The following KCNIP4 variants were observed in gnomAD, a reference collection of about 807,000 sequenced individuals.
KCNIP4 encodes the protein potassium voltage-gated channel interacting protein 4, also known as Kv channel-interacting protein 4.
KCNIP4 carries 12 observed loss-of-function variants against 34.0 expected under a neutral mutation model. The ratio of observed to expected loss-of-function variants is 0.35; its 90% CI spans 0.23 to 0.57. The LOEUF (loss-of-function observed/expected upper bound fraction) is 0.57, where lower values mean the gene tolerates loss of function less well. Among genes scored for constraint, KCNIP4 ranks in the 20% least tolerant of loss-of-function variants. The pLI is 0.83. For missense variants in KCNIP4, 238 were observed against 311.7 expected, an observed-to-expected ratio of 0.76 and a Z score of 1.78; for synonymous variants, 124 against 102.2, an observed-to-expected ratio of 1.21 and a Z score of -1.29.
chr4:21,917,033 C>A (rs1439782281), intron 1 of KCNIP4, among the ~76,000 whole-genome samples: 1 of 152,230 alleles, frequency 6.6e-6, no homozygotes, highest in Non-Finnish European at 1.5e-5. Context: ...TTCTTTGCTT[C>A]AGGTTTGCTC....
chr4:21,046,790 C>T (rs1298984169), intron 1 of KCNIP4, among the ~76,000 whole-genome samples: 1 of 152,140 alleles, frequency 6.6e-6, no homozygotes, highest in Admixed American at 6.5e-5. Flanking sequence ...GGGGTTTCTC[C>T]ATGCTGGTTG....
At chr4:21,312,450 G>GA (rs1713287487) in intron 1 of KCNIP4, among the ~76,000 whole-genome samples, 1 of 152,158 alleles carries the variant, frequency 6.6e-6, no homozygotes, top group South Asian at 2.1e-4. Context: ...CACACTGTGA[G>GA]AAACACTGCA....
At chr4:21,819,166 T>C (rs1402412590) in intron 1 of KCNIP4, among the ~76,000 whole-genome samples, 5 of 152,226 alleles carry the variant, frequency 3.3e-5, no homozygotes. Flanking sequence ...GTTAAAACCC[T>C]GCCAGGGCTT....
intron 1 of KCNIP4, among the ~76,000 whole-genome samples, chr4:21,223,379 C>T (rs1365900009): frequency 3.3e-5 from 5 of 152,216 alleles, no homozygotes; most frequent in Admixed American, 3.3e-4. Context: ...TTATTTTAGA[C>T]TTCTGACCTC....
At chr4:21,088,106 G>A (rs912220708) in intron 1 of KCNIP4, among the ~76,000 whole-genome samples, 1 of 140,846 alleles carries the variant, frequency 7.1e-6, no homozygotes, top group Non-Finnish European at 1.5e-5. Context: ...ATATGCCATT[G>A]TATCTGAAAT....
At chr4:21,936,269 T>C (rs141385069) in intron 1 of KCNIP4, among the ~76,000 whole-genome samples, 24 of 152,176 alleles carry the variant, frequency 1.6e-4, no homozygotes, top group African/African-American at 5.5e-4. Flanking sequence ...GTTCTCTTGA[T>C]GGTGAATAAG....
intron 1 of KCNIP4, among the ~76,000 whole-genome samples, chr4:20,954,043 T>C (rs968172746): frequency 2.6e-5 from 4 of 152,084 alleles, no homozygotes; most frequent in African/African-American, 7.2e-5. Context: ...CAAATTAACA[T>C]CCCTATTTCC....
At chr4:21,641,344 T>C (rs1314092344) in intron 1 of KCNIP4, among the ~76,000 whole-genome samples, 1 of 152,214 alleles carries the variant, frequency 6.6e-6, no homozygotes, top group Non-Finnish European at 1.5e-5. Context: ...GCACATACAA[T>C]AGACAGCCAC....
At chr4:20,965,803 C>G (rs370910748) in intron 1 of KCNIP4, among the ~76,000 whole-genome samples, 4 of 152,112 alleles carry the variant, frequency 2.6e-5, no homozygotes, top group African/African-American at 9.7e-5. Context: ...AAATGCTGAG[C>G]TATATGTTAG....
At chr4:21,626,562 C>T (rs577559412) in intron 1 of KCNIP4, among the ~76,000 whole-genome samples, 2 of 152,038 alleles carry the variant, frequency 1.3e-5, no homozygotes, top group South Asian at 4.2e-4. Flanking sequence ...GTTTAAGCTA[C>T]TCAGGCCATG....
chr4:20,808,830 C>T (rs1414024933), intron 3 of KCNIP4, among the ~76,000 whole-genome samples: 2 of 152,116 alleles, frequency 1.3e-5, no homozygotes, highest in Non-Finnish European at 1.5e-5. Context: ...CATTTGGAGC[C>T]ACTCTCCCCC....
At chr4:21,057,074 T>A (rs1743474120) in intron 1 of KCNIP4, among the ~76,000 whole-genome samples, 1 of 152,136 alleles carries the variant, frequency 6.6e-6, no homozygotes, top group Non-Finnish European at 1.5e-5. Flanking sequence ...CCACTGGGTA[T>A]CTATGTGGGA....
intron 3 of KCNIP4, among the ~76,000 whole-genome samples, chr4:20,786,559 T>C (rs1439333847): frequency 6.6e-6 from 1 of 152,162 alleles, no homozygotes; most frequent in Non-Finnish European, 1.5e-5. Flanking sequence ...TAGTTAGCAA[T>C]AGATGGAAAC....
In KCNIP4 at chr4:21,746,540, A is replaced by G. The variant is rs1716787444; in HGVS notation, c.61+202031T>C. Among the ~76,000 whole-genome samples, 3 of 152,134 alleles carry G rather than the reference A, an allele frequency of 2.0e-5. No homozygotes were observed. The South Asian group carries it at 6.2e-4, about 32-fold the overall frequency. On this transcript the variant is annotated intron_variant, in intron 1 of 8. Coordinates refer to ENST00000382152, the MANE Select transcript of KCNIP4 (RefSeq NM_025221.6). ...GGGAAGGAAACTTTCAATATTAATC[A>G]AGATTATAAAAAATATTATACTCAG... is the stretch of plus-strand genomic sequence containing the variant.
chr4:21,865,820 G>C (rs968147044), intron 1 of KCNIP4, among the ~76,000 whole-genome samples: 2 of 151,914 alleles, frequency 1.3e-5, no homozygotes, highest in Non-Finnish European at 2.9e-5. Context: ...TGGGATTACA[G>C]GCATGAGCCA....
At chr4:21,538,011 C>CAAAAAAAAA (rs71191517) in intron 1 of KCNIP4, among the ~76,000 whole-genome samples, 2 of 51,240 alleles carry the variant, frequency 3.9e-5, no homozygotes, top group Non-Finnish European at 7.2e-5. Context: ...GATTCCGTCT[C>CAAAAAAAAA]AAAAAAAAAA....
chr4:21,772,569 T>G (rs1718874967), intron 1 of KCNIP4, among the ~76,000 whole-genome samples: 1 of 152,140 alleles, frequency 6.6e-6, no homozygotes, highest in Non-Finnish European at 1.5e-5. Context: ...TTTTATTTGG[T>G]TGGTAGGCTA....
At chr4:20,749,018 C>A (rs549945605) in intron 5 of KCNIP4, among the ~76,000 whole-genome samples, 37 of 151,606 alleles carry the variant, frequency 2.4e-4, no homozygotes, top group South Asian at 8.3e-4. Flanking sequence ...TCTAGCTGGG[C>A]GTGGTGGCAC....
intron 2 of KCNIP4, among the ~76,000 whole-genome samples, chr4:20,858,068 G>A (rs111831457): frequency 0.24 from 37,092 of 151,550 alleles, 5,210 homozygotes; most frequent in African/African-American, 0.39. Context: ...AAAATTAGGC[G>A]GGTGTTGTGG....
Sources: allele counts gnomAD v4.1 joint callset (sites outside exome capture counted in the v4.1 genomes callset), GRCh38; gene constraint gnomAD v4.1.1; transcripts MANE v1.5; gene names NCBI Gene and HGNC (gene_info 2026-07-23, HGNC 2026-07-21).